Variants in CDH12 observed in about 807,000 individuals in gnomAD.
CDH12 encodes the protein cadherin 12, also known as cadherin-12.
Under a neutral mutation model 74.1 loss-of-function variants are expected in CDH12, and 41 were observed. The ratio of observed to expected loss-of-function variants is 0.55; its 90% CI spans 0.43 to 0.72. The LOEUF (loss-of-function observed/expected upper bound fraction) is 0.72. CDH12 is among the 30% of genes least tolerant of loss of function. The pLI, the probability that CDH12 is intolerant of heterozygous loss-of-function variation, is 0.00. For missense variants in CDH12, 945 were observed against 977.2 expected (o/e 0.97, Z 0.44); for synonymous variants, 399 against 355.0 (o/e 1.12, Z -1.39).
chr5:22,392,443 T>C (rs1180967928), intron 3 of CDH12, among the ~76,000 whole-genome samples: 1 of 152,150 alleles, frequency 6.6e-6, no homozygotes, highest in African/African-American at 2.4e-5. Flanking sequence ...AAAACACAAA[T>C]ACTCACCCTG....
At chr5:22,605,661 C>T (rs1737074538) in intron 1 of CDH12, among the ~76,000 whole-genome samples, 2 of 152,224 alleles carry the variant, frequency 1.3e-5, no homozygotes, top group Non-Finnish European at 2.9e-5. Context: ...ATGGAGGGCA[C>T]ACCGACAGCT....
intron 10 of CDH12, 109 bp downstream of exon 10, chr5:21,802,058 T>C (rs1747140330): frequency 2.2e-6 from 2 of 892,388 alleles, no homozygotes; most frequent in Admixed American, 2.7e-5. Context: ...CATCATATTC[T>C]ATAATTAAAT....
intron 1 of CDH12, among the ~76,000 whole-genome samples, chr5:22,776,160 T>C (rs1013986493): frequency 6.6e-6 from 1 of 152,162 alleles, no homozygotes; most frequent in African/African-American, 2.4e-5. Context: ...GGTCAGCATG[T>C]ACATGGAGTG....
intron 3 of CDH12, among the ~76,000 whole-genome samples, chr5:22,352,173 T>C (rs778440865): frequency 1.3e-5 from 2 of 152,034 alleles, no homozygotes; most frequent in Non-Finnish European, 2.9e-5. Flanking sequence ...TTCCATCTCT[T>C]CATTATCCAG....
At chr5:22,076,618 T>A (rs4576111) in intron 5 of CDH12, among the ~76,000 whole-genome samples, 57,931 of 152,042 alleles carry the variant, frequency 0.38, 14,195 homozygotes, top group African/African-American at 0.7. Flanking sequence ...ATTAAATTAA[T>A]TCAAAAGAAA....
intron 9 of CDH12, among the ~76,000 whole-genome samples, chr5:21,814,944 G>T (rs969441976): frequency 6.6e-6 from 1 of 151,992 alleles, no homozygotes; most frequent in East Asian, 1.9e-4. Context: ...AAATAACAAT[G>T]AAGGAGTAAA....
chr5:22,450,427 C>T (rs1343275926), intron 2 of CDH12, among the ~76,000 whole-genome samples: 1 of 151,860 alleles, frequency 6.6e-6, no homozygotes, highest in Admixed American at 6.6e-5. Flanking sequence ...AGGACCTCCC[C>T]CTTTATCCAG....
chr5:22,546,720 G>A (rs1394623897), intron 1 of CDH12, among the ~76,000 whole-genome samples: 1 of 152,086 alleles, frequency 6.6e-6, no homozygotes, highest in Non-Finnish European at 1.5e-5. Flanking sequence ...CATGTTCTGT[G>A]CTTGAAAAGA....
intron 1 of CDH12, among the ~76,000 whole-genome samples, chr5:22,528,056 G>A (rs1298396149): frequency 1.3e-5 from 2 of 152,040 alleles, no homozygotes; most frequent in Non-Finnish European, 1.5e-5. Flanking sequence ...ATTATAGCAT[G>A]TCTCCTCATG....
At chr5:22,709,832 G>T (rs1743201825) in intron 1 of CDH12, among the ~76,000 whole-genome samples, 2 of 152,150 alleles carry the variant, frequency 1.3e-5, no homozygotes, top group Admixed American at 1.3e-4. Context: ...AAAGTTCTGT[G>T]TCTATGATTG....
At chr5:22,070,016 T>C (rs1037407160) in intron 5 of CDH12, among the ~76,000 whole-genome samples, 3 of 152,176 alleles carry the variant, frequency 2.0e-5, no homozygotes, top group Non-Finnish European at 1.5e-5. Context: ...CAAGCTATGA[T>C]ACATGACCAG....
intron 6 of CDH12, chr5:21,889,553 T>C (rs1360253162): frequency 1.0e-6 from 1 of 982,956 alleles, no homozygotes; most frequent in African/African-American, 1.7e-5. Context: ...GAAGCTGTTT[T>C]TACAGAAGCA....
At chr5:22,134,247 GGAA>G (rs147159584) in intron 4 of CDH12, among the ~76,000 whole-genome samples, 10,916 of 152,152 alleles carry the variant, frequency 0.072, 470 homozygotes, top group Non-Finnish European at 0.098. Context: ...GCACTGATTT[GGAA>G]GAAGGACAAG....
intron 1 of CDH12, among the ~76,000 whole-genome samples, chr5:22,808,525 G>A (rs920449474): frequency 2.0e-5 from 3 of 151,710 alleles, no homozygotes; most frequent in Admixed American, 2.0e-4. Flanking sequence ...TATGGAACTA[G>A]GAGTAAAGAC....
chr5:21,883,574 G>C lies in CDH12; in HGVS notation c.527-28784C>G, dbSNP rs56740989. Reference sequence around the variant, plus strand: ...CTGGTGGTGCAGTGTTTGGAGAAGAGGGGTTGACCCTGAATCTTGAAGATG... The same window carrying C: ...CTGGTGGTGCAGTGTTTGGAGAAGACGGGTTGACCCTGAATCTTGAAGATG... On this transcript the variant is annotated intron_variant, in intron 6 of 14. Coordinates refer to ENST00000382254, the MANE Select transcript of CDH12 (RefSeq NM_004061.5). The C allele has an allele frequency of 1.7e-3, 2,687 of 1,605,486 alleles. 44 individuals carry two copies. In the African/African-American group the frequency reaches 0.03, roughly 18 times the overall value.
At chr5:21,793,667 AG>A (rs1041922593) in intron 10 of CDH12, among the ~76,000 whole-genome samples, 159 of 151,772 alleles carry the variant, frequency 1.0e-3, no homozygotes, top group Non-Finnish European at 2.0e-3. Context: ...ACCTAAATAT[AG>A]ACATCATATT....
intron 1 of CDH12, among the ~76,000 whole-genome samples, chr5:22,561,212 T>G (rs754625826): frequency 6.6e-6 from 1 of 152,128 alleles, no homozygotes; most frequent in East Asian, 1.9e-4. Flanking sequence ...GACATTCAAC[T>G]TTCAAATGGC....
At chr5:22,444,369 T>C (rs955280075) in intron 2 of CDH12, among the ~76,000 whole-genome samples, 1 of 152,094 alleles carries the variant, frequency 6.6e-6, no homozygotes, top group Non-Finnish European at 1.5e-5. Context: ...CCCTCTCGTT[T>C]GTAGTTGTCT....
intron 1 of CDH12, among the ~76,000 whole-genome samples, chr5:22,803,066 C>G (rs75908659): frequency 0.012 from 1,873 of 152,240 alleles, 39 homozygotes; most frequent in African/African-American, 0.043. Flanking sequence ...CCAACATCAA[C>G]TTTCCCACTT....
Sources: gnomAD v4.1 joint callset for allele counts (sites outside exome capture counted in the v4.1 genomes callset) on GRCh38, gnomAD v4.1.1 for gene constraint, MANE v1.5 for transcripts, NCBI Gene and HGNC (gene_info 2026-07-23, HGNC 2026-07-21) for gene names.